EBF3: variants seen among roughly 807,000 people sequenced by gnomAD.
EBF3 encodes the protein EBF transcription factor 3, also known as transcription factor COE3.
EBF3 carries 18 observed loss-of-function variants against 77.1 expected under a neutral mutation model. The ratio of observed to expected loss-of-function variants is 0.23; its 90% CI spans 0.16 to 0.35. The LOEUF (loss-of-function observed/expected upper bound fraction) is 0.35. Ranked by LOEUF, EBF3 falls within the 10% of genes least tolerant of loss-of-function variation. EBF3 has a pLI of 1.00. For synonymous variants in EBF3, 350 were observed against 343.5 expected, an observed-to-expected ratio of 1.02 and a Z score of -0.21; for missense variants, 558 against 860.0, an observed-to-expected ratio of 0.65 and a Z score of 4.39.
chr10:129,846,205 G>A (rs761674348), intron 11 of EBF3, among the ~76,000 whole-genome samples: 1 of 151,202 alleles, frequency 6.6e-6, no homozygotes, highest in Non-Finnish European at 1.5e-5. Flanking sequence ...TTTTGATGGT[G>A]CCTAAAATTA....
At chr10:129,872,552 T>C (rs1264811903) in intron 8 of EBF3, among the ~76,000 whole-genome samples, 1 of 152,202 alleles carries the variant, frequency 6.6e-6, no homozygotes, top group Non-Finnish European at 1.5e-5. Context: ...GACCTCGGGA[T>C]AGAGGATTTG....
intron 6 of EBF3, among the ~76,000 whole-genome samples, chr10:129,953,619 G>A (rs987867784): frequency 5.3e-5 from 8 of 152,188 alleles, no homozygotes; most frequent in South Asian, 2.1e-4. Context: ...GAACCGCCCC[G>A]CCGAGCCCGC....
intron 5 of EBF3, 141 bp downstream of exon 5, chr10:129,958,793 C>T (rs112841689): frequency 8.6e-7 from 1 of 1,156,298 alleles, no homozygotes; most frequent in Non-Finnish European, 1.2e-6. Context: ...CGGCCCGGCG[C>T]GCGGCCTCGG....
rs929696335 is a variant in EBF3 at position 129,938,825 on chromosome 10, G to A, written c.554+18433C>T. On this transcript the variant is annotated intron_variant, in intron 6 of 16. Transcript: ENST00000440978. The surrounding 1 kb of genome is among the most constrained non-coding windows in gnomAD (Gnocchi z 5.1). ...CCCATAAAACCAACCTGGGGAAAGA[G>A]AACAGAACTTTGGGGCAGAACCAGG... is the stretch of plus-strand genomic sequence containing the variant. Among the ~76,000 whole-genome samples, 1 of 152,138 alleles carries A rather than the reference G, an allele frequency of 6.6e-6. No homozygotes were observed. The highest frequency in any genetic ancestry group is 1.5e-5 in the Non-Finnish European group (1 of 68,022).
At position 129,962,238 on chromosome 10, in the gene EBF3, C is replaced by CA. The variant is rs1390788438; in HGVS notation, c.356-13dup. The stretch of plus-strand genomic sequence containing the variant: ...CTCTGTTCTGACTCCTGCAAAAAAA[C>CA]AGAGACAAATTCTCATCAGGATTTG... On this transcript the variant is annotated splice_polypyrimidine_tract_variant and intron_variant, in intron 3 of 16. Coordinates refer to ENST00000440978, the MANE Select transcript of EBF3 (RefSeq NM_001375380.1). 1.4e-5 allele frequency: 22 copies of CA among 1,613,856 alleles called. No individual in the cohort carries two copies. Among genetic ancestry groups the CA allele is most frequent in the Non-Finnish European group, 1.8e-5 (21 of 1,179,948 alleles).
At position 129,960,112 on chromosome 10, in the gene EBF3, A is replaced by AG. The variant is rs1468601143; in HGVS notation, c.412-1106dup. ...CACTGGCCTCGCGAAAAAACAGAAAAGAAAAAAAAAAAAAGTCTACTGGGG... is the reference window on the plus strand; with the variant it reads ...CACTGGCCTCGCGAAAAAACAGAAAAGGAAAAAAAAAAAAAGTCTACTGGGG... On this transcript the variant is annotated intron_variant, in intron 4 of 16. Transcript: ENST00000440978. Among the ~76,000 whole-genome samples, 6 of 151,066 alleles carry AG rather than the reference A, an allele frequency of 4.0e-5. No homozygotes were observed. The East Asian group carries it at 1.2e-3, about 30-fold the overall frequency.
chr10:129,877,744 C>T, intron 7 of EBF3, 24 bp downstream of exon 7: 1 of 1,601,182 alleles, frequency 6.2e-7, no homozygotes, highest in Non-Finnish European at 8.5e-7. Context: ...GACCACGGTC[C>T]ACGTGTCTTT....
Position 129,935,654 on chromosome 10 carries a change from T to C in EBF3, c.554+21604A>G, listed in dbSNP as rs1028571499. ...TCATCCAGAGCCCAGAGCCTGGGCG[T>C]CCAGGGCACAGACAGCTCTCAGCCA... On this transcript the variant is annotated intron_variant, in intron 6 of 16. Transcript: ENST00000440978. The surrounding 1 kb of genome is among the most constrained non-coding windows in gnomAD (Gnocchi z 4.2). Among the ~76,000 whole-genome samples the C allele has an allele frequency of 6.6e-6, 1 of 152,118 alleles. No individual in the cohort carries two copies. Among genetic ancestry groups the C allele is most frequent in the Non-Finnish European group, 1.5e-5 (1 of 68,016 alleles).
intron 8 of EBF3, among the ~76,000 whole-genome samples, chr10:129,869,430 C>T (rs1167346751): frequency 3.3e-5 from 5 of 152,062 alleles, no homozygotes; most frequent in African/African-American, 9.6e-5. Context: ...TGCTCCCCCA[C>T]GGCTCTCCAG....
Position 129,843,121 on chromosome 10 carries a change from G to A in EBF3, c.1194+16C>T. The stretch of plus-strand genomic sequence containing the variant: ...ATGGGGGGGAGGATGGGCGAGGGGA[G>A]CCGCCCTCCACCTACCTGGTTGTTG... On this transcript the variant is annotated intron_variant, in intron 12 of 16. Transcript: ENST00000440978. The A allele has an allele frequency of 6.2e-7, 1 of 1,610,782 alleles. No homozygotes were observed. The highest frequency in any genetic ancestry group is 1.1e-5 in the South Asian group (1 of 90,762).
chr10:129,958,963 A>G lies in EBF3; in HGVS notation c.456T>C (p.Arg152=). 6.2e-7 allele frequency: 1 copy of G among 1,600,586 alleles called. No individual in the cohort carries two copies. ...EGQDKNPEMC[R]VLLTHEIMCS... ...ACATGATCTCGTGGGTCAGCAGCACACGGCACATCTCCGGGTTCTTGTCCT... is the reference window on the plus strand; with the variant it reads ...ACATGATCTCGTGGGTCAGCAGCACGCGGCACATCTCCGGGTTCTTGTCCT... Residue 152 remains arginine, a synonymous_variant, in exon 5 of 17, where the codon CGT becomes CGC. Transcript: ENST00000440978.
Position 129,840,902 on chromosome 10 carries a change from T to C in EBF3, c.1503A>G (p.Leu501=), listed in dbSNP as rs759158335. 7 of 1,614,034 alleles carry C rather than the reference T, an allele frequency of 4.3e-6. No homozygotes were observed. The highest frequency in any genetic ancestry group is 5.9e-6 in the Non-Finnish European group (7 of 1,180,038). ...GAAATCCAGGCGAGCCAGGGACCCC[T>C]AGACTGGCCATGGCGCCACTTCCAT... ...NGYGSGAMAS[L]GVPGSPGFLN... is the part of the protein sequence containing the mutation. The change falls in exon 14 of 17, where the codon CTA becomes CTG. Residue 501 remains leucine (L), a synonymous_variant. Coordinates refer to ENST00000440978, the MANE Select transcript of EBF3 (RefSeq NM_001375380.1).
At chr10:129,877,290 A>G (rs1160128833) in intron 7 of EBF3, among the ~76,000 whole-genome samples, 1 of 152,096 alleles carries the variant, frequency 6.6e-6, no homozygotes, top group Non-Finnish European at 1.5e-5. Flanking sequence ...CAGGAGCTTG[A>G]GACCAGCCTG....
intron 7 of EBF3, among the ~76,000 whole-genome samples, chr10:129,877,481 CAAAAAAAAAAA>C (rs10541156): frequency 1.3e-5 from 1 of 77,254 alleles, no homozygotes; most frequent in South Asian, 5.6e-4. Flanking sequence ...ACTCTGTCTC[CAAAAAAAAAAA>C]AAAAAAAAAA....
At chr10:129,934,937 G>C (rs762257780) in intron 6 of EBF3, among the ~76,000 whole-genome samples, 6 of 152,162 alleles carry the variant, frequency 3.9e-5, no homozygotes, top group Non-Finnish European at 7.3e-5. Flanking sequence ...GGGTTGTCAG[G>C]ATGAGGTCTG....
intron 6 of EBF3, among the ~76,000 whole-genome samples, chr10:129,878,802 C>A (rs1413544674): frequency 1.5e-4 from 15 of 100,050 alleles, no homozygotes; most frequent in Admixed American, 1.6e-4. Context: ...CCAGCCTGGG[C>A]AACACAGTGA....
chr10:129,838,035 GC>G, intron 16 of EBF3, 75 bp from the exon 17 acceptor site: 1 of 1,561,028 alleles, frequency 6.4e-7, no homozygotes, highest in Non-Finnish European at 8.8e-7. Context: ...CGCGGGCGGG[GC>G]TGCCCTTCCC....
chr10:129,859,951 C>T (rs997506581), intron 10 of EBF3, among the ~76,000 whole-genome samples: 7 of 152,194 alleles, frequency 4.6e-5, no homozygotes, highest in African/African-American at 1.4e-4. Flanking sequence ...GAAAGAACCA[C>T]GCACTTCTGT....
At position 129,842,762 on chromosome 10, in the gene EBF3, T is replaced by TAAAAA. The variant is rs35249799; in HGVS notation, c.1194+370_1194+374dup. On this transcript the variant is annotated intron_variant, in intron 12 of 16. Transcript: ENST00000440978. This position sits in a 1 kb window ranked among gnomAD's most constrained non-coding sequence, Gnocchi z 4.4. ...CTGGGTGACAGAGCAAGACCCTGTCTAAAAAAAAAAAAAAAAAAAGGGAGC... is the reference window on the plus strand; with the variant it reads ...CTGGGTGACAGAGCAAGACCCTGTCTAAAAAAAAAAAAAAAAAAAAAAAAGGGAGC... Among the ~76,000 whole-genome samples the TAAAAA allele has an allele frequency of 1.8e-5, 2 of 112,744 alleles. No individual in the cohort carries two copies. The highest frequency in any genetic ancestry group is 3.2e-4 in the South Asian group (1 of 3,128). The allele number at this position is 112,744 out of a possible 152,430, so 74.0% of individuals were successfully genotyped here. A position where few individuals can be genotyped will look rare whatever the true frequency, so the allele number is the denominator to read the frequency against.
Sources: gnomAD v4.1 joint callset for allele counts (sites outside exome capture counted in the v4.1 genomes callset) on GRCh38, gnomAD v4.1.1 for gene constraint, Gnocchi (gnomAD v3.1) non-coding constraint, MANE v1.5 for transcripts, NCBI Gene and HGNC (gene_info 2026-07-23, HGNC 2026-07-21) for gene names.